Variants in TAFA1 observed in about 807,000 individuals in gnomAD.
The protein encoded by TAFA1 is chemokine-like protein TAFA-1.
Under a neutral mutation model 18.5 loss-of-function variants are expected in TAFA1, and 4 were observed. That is an observed-to-expected ratio of 0.22 (90% CI 0.11 to 0.49). The LOEUF (loss-of-function observed/expected upper bound fraction) is 0.49, where lower values mean the gene tolerates loss of function less well. Among genes scored for constraint, TAFA1 ranks in the 20% least tolerant of loss-of-function variants. The pLI, the probability that TAFA1 is intolerant of heterozygous loss-of-function variation, is 0.98. For synonymous variants in TAFA1, 56 were observed against 55.2 expected (o/e 1.01, Z -0.06); for missense variants, 147 against 169.0 (o/e 0.87, Z 0.72).
intron 2 of TAFA1, among the ~76,000 whole-genome samples, chr3:68,106,160 C>T (rs927941402): frequency 6.7e-6 from 1 of 149,142 alleles, no homozygotes; most frequent in African/African-American, 2.5e-5. Context: ...AATTCATATG[C>T]AAAAAAAAAA....
intron 2 of TAFA1, among the ~76,000 whole-genome samples, chr3:68,268,426 T>TG (rs959650710): frequency 6.6e-6 from 1 of 152,038 alleles, no homozygotes; most frequent in South Asian, 2.1e-4. Context: ...GAGACATGGA[T>TG]GGGGGGAGCC....
intron 4 of TAFA1, 46 bp downstream of exon 4, chr3:68,538,926 C>G: frequency 3.7e-6 from 6 of 1,601,944 alleles, no homozygotes; most frequent in Non-Finnish European, 5.1e-6. Flanking sequence ...ACAGACTGTA[C>G]TATTTGAGTT....
At position 68,495,926 on chromosome 3, in the gene TAFA1, T is replaced by A. The variant is rs568682252; in HGVS notation, c.260-42830T>A. 3.3e-5 allele frequency among the ~76,000 whole-genome samples: 5 copies of A among 151,102 alleles called. No homozygotes were observed. The East Asian group carries it at 9.8e-4, about 29-fold the overall frequency. On this transcript the variant is annotated intron_variant, in intron 3 of 4. Coordinates refer to ENST00000478136, the MANE Select transcript of TAFA1 (RefSeq NM_213609.4). ...TTTCAGAAGCGTCCTTTGAAGTGCTTCTGTTTATTCTGCAGGATTTTCTCA... is the reference window on the plus strand; with the variant it reads ...TTTCAGAAGCGTCCTTTGAAGTGCTACTGTTTATTCTGCAGGATTTTCTCA...
intron 2 of TAFA1, among the ~76,000 whole-genome samples, chr3:68,330,186 T>C (rs1385445397): frequency 6.6e-6 from 1 of 152,222 alleles, no homozygotes; most frequent in African/African-American, 2.4e-5. Context: ...TACGTCGTCA[T>C]AGTTCTAGAT....
At chr3:68,292,572 G>A (rs2068129301) in intron 2 of TAFA1, among the ~76,000 whole-genome samples, 1 of 152,192 alleles carries the variant, frequency 6.6e-6, no homozygotes, top group East Asian at 1.9e-4. Context: ...TATCGCCCAA[G>A]CTGGAGTGCA....
intron 2 of TAFA1, among the ~76,000 whole-genome samples, chr3:68,303,714 G>T (rs1216789574): frequency 6.6e-6 from 1 of 152,148 alleles, no homozygotes; most frequent in Non-Finnish European, 1.5e-5. Context: ...CTCCCAAAGT[G>T]CTGGGATTAC....
intron 2 of TAFA1, among the ~76,000 whole-genome samples, chr3:68,246,635 T>C (rs1186315520): frequency 1.8e-5 from 2 of 109,598 alleles, no homozygotes; most frequent in African/African-American, 7.5e-5. Flanking sequence ...ATTGAGAAGG[T>C]AACTACGGAC....
At chr3:68,516,250 A>T (rs574936953) in intron 3 of TAFA1, among the ~76,000 whole-genome samples, 2 of 152,262 alleles carry the variant, frequency 1.3e-5, no homozygotes, top group African/African-American at 4.8e-5. Flanking sequence ...ATCACTGATA[A>T]AACTTGATTG....
chr3:68,391,657 A>G (rs771915414), intron 2 of TAFA1, among the ~76,000 whole-genome samples: 1 of 152,216 alleles, frequency 6.6e-6, no homozygotes, highest in Non-Finnish European at 1.5e-5. Flanking sequence ...CTAACAGTGG[A>G]TCTCTCTGCA....
At chr3:68,443,015 A>T (rs923288238) in intron 3 of TAFA1, among the ~76,000 whole-genome samples, 1 of 152,136 alleles carries the variant, frequency 6.6e-6, no homozygotes, top group Admixed American at 6.5e-5. Flanking sequence ...AAGCCTCTGA[A>T]TCACCTCTGT....
chr3:68,282,136 G>A (rs1208040370), intron 2 of TAFA1, among the ~76,000 whole-genome samples: 1 of 152,104 alleles, frequency 6.6e-6, no homozygotes, highest in Non-Finnish European at 1.5e-5. Flanking sequence ...ACTATTACAA[G>A]AACAGCAGCA....
At chr3:68,368,268 TTA>T (rs2069610133) in intron 2 of TAFA1, among the ~76,000 whole-genome samples, 1 of 152,182 alleles carries the variant, frequency 6.6e-6, no homozygotes. Flanking sequence ...ACCCAATACA[TTA>T]ATGTTAGATT....
At chr3:68,037,212 T>G (rs897257978) in intron 2 of TAFA1, among the ~76,000 whole-genome samples, 1 of 152,024 alleles carries the variant, frequency 6.6e-6, no homozygotes, top group Non-Finnish European at 1.5e-5. Flanking sequence ...AGAAAGGCAA[T>G]GGGCATGAAT....
intron 2 of TAFA1, among the ~76,000 whole-genome samples, chr3:68,329,970 G>A (rs2068836701): frequency 6.6e-6 from 1 of 151,442 alleles, no homozygotes; most frequent in African/African-American, 2.4e-5. Context: ...AAATACATAA[G>A]TACATGCATA....
chr3:68,201,360 T>C (rs1489237574), intron 2 of TAFA1, among the ~76,000 whole-genome samples: 1 of 151,742 alleles, frequency 6.6e-6, no homozygotes, highest in Non-Finnish European at 1.5e-5. Flanking sequence ...CTGCTGTTGT[T>C]GGATGAAGAA....
At chr3:68,184,882 A>G (rs1358736950) in intron 2 of TAFA1, among the ~76,000 whole-genome samples, 1 of 152,170 alleles carries the variant, frequency 6.6e-6, no homozygotes, top group African/African-American at 2.4e-5. Flanking sequence ...GGGCTGAGAC[A>G]TGGGAAAGTG....
At chr3:68,063,538 CAT>C (rs2064634010) in intron 2 of TAFA1, among the ~76,000 whole-genome samples, 1 of 152,038 alleles carries the variant, frequency 6.6e-6, no homozygotes. Context: ...GTTAGGGAAA[CAT>C]TGATTAAAAA....
chr3:68,534,084 G>A (rs1293056959), intron 3 of TAFA1, among the ~76,000 whole-genome samples: 3 of 152,052 alleles, frequency 2.0e-5, no homozygotes, highest in African/African-American at 7.2e-5. Context: ...AACAGAAGTA[G>A]CCCCCAAATC....
At chr3:68,342,977 T>C (rs921525276) in intron 2 of TAFA1, among the ~76,000 whole-genome samples, 3 of 152,194 alleles carry the variant, frequency 2.0e-5, no homozygotes, top group African/African-American at 4.8e-5. Context: ...TATTCAAAGA[T>C]CAAATTTCCT....
Sources: allele counts gnomAD v4.1 joint callset (sites outside exome capture counted in the v4.1 genomes callset), GRCh38; gene constraint gnomAD v4.1.1; transcripts MANE v1.5; gene names NCBI Gene and HGNC (gene_info 2026-07-23, HGNC 2026-07-21).